The following SH3PXD2B variants were observed in gnomAD, a reference collection of about 807,000 sequenced individuals.
SH3PXD2B encodes the protein SH3 and PX domains 2B.
Under a neutral mutation model 73.1 loss-of-function variants are expected in SH3PXD2B, and 37 were observed. The ratio of observed to expected loss-of-function variants is 0.51; its 90% CI spans 0.39 to 0.67. The LOEUF (loss-of-function observed/expected upper bound fraction) is 0.67. SH3PXD2B is among the 30% of genes least tolerant of loss of function. The pLI is 0.00. For synonymous variants in SH3PXD2B, 457 were observed against 480.5 expected (o/e 0.95, Z 0.64); for missense variants, 1,053 against 1,197.8 (o/e 0.88, Z 1.78).
chr5:172,327,876 G>A (rs2879467), intron 12 of SH3PXD2B, among the ~76,000 whole-genome samples: 13 of 150,754 alleles, frequency 8.6e-5, no homozygotes, highest in Non-Finnish European at 1.5e-4. Context: ...TGCCTCAGCC[G>A]CCCGAGTAGC....
rs548057566 is a variant in SH3PXD2B, at chr5:172,426,249, C to A, written c.76-3753G>T. On this transcript the variant is annotated intron_variant, in intron 1 of 12. Transcript: ENST00000311601. The stretch of plus-strand genomic sequence containing the variant: ...TTTAGGCAGAGACCTAATTTTTTAA[C>A]GAGAGCTGCCCTAGCGTAGGGCTTT... 2.0e-5 allele frequency among the ~76,000 whole-genome samples: 3 copies of A among 152,304 alleles called. No individual in the cohort carries two copies. In the East Asian group the frequency reaches 5.8e-4, roughly 29 times the overall value.
At position 172,334,627 on chromosome 5, in the gene SH3PXD2B, C is replaced by A; in HGVS notation, c.*3742G>T. The A allele has an allele frequency of 3.0e-6, 3 of 985,500 alleles. No homozygotes were observed. Among genetic ancestry groups the A allele is most frequent in the Non-Finnish European group, 3.6e-6 (3 of 829,968 alleles). The allele number at this position is 985,500 out of a possible 1,614,324, so 61.0% of individuals were successfully genotyped here. A position where few individuals can be genotyped will look rare whatever the true frequency, so the allele number is the denominator to read the frequency against. On this transcript the variant is annotated 3_prime_UTR_variant, in exon 13 of 13. Coordinates refer to ENST00000311601, the MANE Select transcript of SH3PXD2B (RefSeq NM_001017995.3). ...CTTAAGCCAACATGTAAGACTTGGG[C>A]ACGATGAAAGGACGGGGGTCCAGCT...
chr5:172,444,593 GTTAT>G (rs1232481198), intron 1 of SH3PXD2B, among the ~76,000 whole-genome samples: 1 of 152,206 alleles, frequency 6.6e-6, no homozygotes, highest in Non-Finnish European at 1.5e-5. Context: ...CAAATTTGGA[GTTAT>G]TTAATTGCCC....
chr5:172,340,368 C>T (rs1756825157), intron 12 of SH3PXD2B, among the ~76,000 whole-genome samples: 1 of 152,176 alleles, frequency 6.6e-6, no homozygotes, highest in Non-Finnish European at 1.5e-5. Flanking sequence ...TGACTCTCAG[C>T]TCCTCCCTAC....
At chr5:172,343,806 A>G (rs975146373) in intron 12 of SH3PXD2B, among the ~76,000 whole-genome samples, 1 of 151,550 alleles carries the variant, frequency 6.6e-6, no homozygotes, top group Non-Finnish European at 1.5e-5. Context: ...TTCCGTCTCA[A>G]AGAAAAAAAA....
intron 12 of SH3PXD2B, among the ~76,000 whole-genome samples, chr5:172,343,120 C>A (rs1561893212): frequency 1.3e-5 from 2 of 152,234 alleles, no homozygotes; most frequent in Admixed American, 6.5e-5. Flanking sequence ...GTGGAGGTCA[C>A]TGAGCCAGCG....
intron 1 of SH3PXD2B, among the ~76,000 whole-genome samples, chr5:172,434,847 G>A (rs921101840): frequency 1.3e-5 from 2 of 149,616 alleles, no homozygotes; most frequent in African/African-American, 2.5e-5. Context: ...GCAGTGGCAC[G>A]ATCTCGGCTC....
intron 7 of SH3PXD2B, among the ~76,000 whole-genome samples, chr5:172,360,717 A>G (rs2113316377): frequency 6.6e-6 from 1 of 152,322 alleles, no homozygotes; most frequent in Non-Finnish European, 1.5e-5. Flanking sequence ...CTGTAGTCCC[A>G]GCTGCTTGGG....
In SH3PXD2B at chr5:172,350,345, T is replaced by C; in HGVS notation, c.1012+18A>G. 18 of 1,612,164 alleles carry C rather than the reference T, an allele frequency of 1.1e-5. No individual in the cohort carries two copies. The highest frequency in any genetic ancestry group is 1.4e-5 in the Non-Finnish European group (17 of 1,179,062). The stretch of plus-strand genomic sequence containing the variant: ...ACAGGGGCCCTGATTATCAGGAGCT[T>C]GGGCGGGTGTCACTCACTCTGCTTG... On this transcript the variant is annotated intron_variant, in intron 10 of 12. Coordinates refer to ENST00000311601, the MANE Select transcript of SH3PXD2B (RefSeq NM_001017995.3).
In SH3PXD2B at chr5:172,339,980, G is replaced by A; in HGVS notation, c.1189-64C>T. 1 of 1,601,996 alleles carries A rather than the reference G, an allele frequency of 6.2e-7. No homozygotes were observed. The highest frequency in any genetic ancestry group is 8.5e-7 in the Non-Finnish European group (1 of 1,174,398). On this transcript the variant is annotated intron_variant, in intron 12 of 12. Transcript: ENST00000311601. This position sits in a 1 kb window ranked among gnomAD's most constrained non-coding sequence, Gnocchi z 6.1. The stretch of plus-strand genomic sequence containing the variant: ...CCAGGGCCAGCAGATGGAATGGTTT[G>A]GCAGAACCCATGTGCAACTGGAGCT...
chr5:172,386,956 GA>G (rs1332111966), intron 4 of SH3PXD2B, among the ~76,000 whole-genome samples: 1 of 152,136 alleles, frequency 6.6e-6, no homozygotes, highest in Non-Finnish European at 1.5e-5. Context: ...AAGTTTTCTC[GA>G]AGACATATTG....
intron 6 of SH3PXD2B, among the ~76,000 whole-genome samples, chr5:172,368,850 A>G (rs1012341016): frequency 9.1e-5 from 12 of 131,220 alleles, no homozygotes; most frequent in Non-Finnish European, 1.7e-4. Flanking sequence ...TACATAATAT[A>G]TAGTATATAT....
At chr5:172,359,387 C>CAAAA (rs70982393) in intron 7 of SH3PXD2B, among the ~76,000 whole-genome samples, 7 of 84,080 alleles carry the variant, frequency 8.3e-5, no homozygotes, top group Middle Eastern at 6.1e-3. Context: ...ACCCCCATCT[C>CAAAA]AAAAAAAAAA....
At chr5:172,374,573 T>C (rs1025004157) in intron 5 of SH3PXD2B, among the ~76,000 whole-genome samples, 3 of 152,092 alleles carry the variant, frequency 2.0e-5, no homozygotes, top group Non-Finnish European at 4.4e-5. Context: ...TCCCAGCTAC[T>C]CGGGAAGCTG....
intron 12 of SH3PXD2B, among the ~76,000 whole-genome samples, chr5:172,326,594 G>A (rs985771372): frequency 6.6e-6 from 1 of 152,182 alleles, no homozygotes; most frequent in African/African-American, 2.4e-5. Context: ...TGTCCATTTT[G>A]AGAAAAATAA....
chr5:172,353,541 A>G lies in SH3PXD2B; in HGVS notation c.785+347T>C, dbSNP rs577753550. Among the ~76,000 whole-genome samples, 4 of 152,272 alleles carry G rather than the reference A, an allele frequency of 2.6e-5. No homozygotes were observed. In the East Asian group the frequency reaches 5.8e-4, roughly 22 times the overall value. Reference sequence around the variant, plus strand: ...GTTTATGCACCATCTTGTTCTCAGAATGGGGCGGGAGGGGGCTGTCACTCA... The same window carrying G: ...GTTTATGCACCATCTTGTTCTCAGAGTGGGGCGGGAGGGGGCTGTCACTCA... On this transcript the variant is annotated intron_variant, in intron 9 of 12. Coordinates refer to ENST00000311601, the MANE Select transcript of SH3PXD2B (RefSeq NM_001017995.3). The surrounding 1 kb of genome is among the most constrained non-coding windows in gnomAD (Gnocchi z 4.3).
intron 3 of SH3PXD2B, 57 bp downstream of exon 3, chr5:172,406,220 C>A: frequency 6.4e-7 from 1 of 1,573,122 alleles, no homozygotes; most frequent in South Asian, 1.1e-5. Flanking sequence ...CCCAAGGGCT[C>A]TGGGAACTGT....
intron 6 of SH3PXD2B, among the ~76,000 whole-genome samples, chr5:172,366,930 C>T (rs1383519020): frequency 1.1e-5 from 1 of 87,450 alleles, no homozygotes; most frequent in Non-Finnish European, 2.3e-5. Flanking sequence ...TCGTGCCCGG[C>T]CATTTTTTTT....
At chr5:172,423,547 G>GGGT (rs1554141214) in intron 1 of SH3PXD2B, among the ~76,000 whole-genome samples, 1 of 129,796 alleles carries the variant, frequency 7.7e-6, no homozygotes, top group African/African-American at 3.2e-5. Context: ...TACGGGGTTG[G>GGGT]GGGGGGGGGC....
Sources: gnomAD v4.1 joint callset for allele counts (sites outside exome capture counted in the v4.1 genomes callset) on GRCh38, gnomAD v4.1.1 for gene constraint, Gnocchi (gnomAD v3.1) non-coding constraint, MANE v1.5 for transcripts, NCBI Gene and HGNC (gene_info 2026-07-23, HGNC 2026-07-21) for gene names.